The following GSTM5 variants were observed in gnomAD, a reference collection of about 807,000 sequenced individuals.
The protein encoded by GSTM5 is GST class-mu 5.
GSTM5 carries 24 observed loss-of-function variants against 29.0 expected under a neutral mutation model. The observed-to-expected ratio is 0.83, with a 90% confidence interval of 0.60 to 1.16. The LOEUF (loss-of-function observed/expected upper bound fraction) is 1.16. Among genes scored for constraint, GSTM5 ranks in the 50% most tolerant of loss-of-function variants. GSTM5 has a pLI of 0.00. For missense variants in GSTM5, 290 were observed against 263.0 expected (o/e 1.10, Z -0.71); for synonymous variants, 91 against 93.6 (o/e 0.97, Z 0.16).
intron 2 of GSTM5, 152 bp from the exon 3 acceptor site, chr1:109,712,967 A>G: frequency 3.0e-6 from 3 of 1,002,048 alleles, no homozygotes; most frequent in Non-Finnish European, 4.6e-6. Flanking sequence ...CCTCAGTGGG[A>G]TTCTTTCTCC....
intron 7 of GSTM5, 80 bp downstream of exon 7, chr1:109,715,320 A>G: frequency 1.2e-6 from 2 of 1,613,772 alleles, no homozygotes; most frequent in Non-Finnish European, 1.7e-6. Context: ...TCCTGGAGCT[A>G]CACAAAGAAT....
Position 109,715,166 on chromosome 1 carries a change from G to A in GSTM5, c.493G>A (p.Asp165Asn), listed in dbSNP as rs1236953356. ...GGATTTCCTTGCCTATGATGTCCTT[G>A]ACATGAAGCGTATATTTGAGCCCAA... ...FVDFLAYDVL[D>N]MKRIFEPKCL... The change falls in exon 7 of 8, where the codon GAC (aspartate) becomes AAC (asparagine). Residue 165 changes from aspartate to asparagine, a missense_variant. By Grantham distance (23) the Asp-to-Asn change is conservative. Coordinates refer to ENST00000256593, the MANE Select transcript of GSTM5 (RefSeq NM_000851.4). 6.2e-7 allele frequency: 1 copy of A among 1,614,078 alleles called. No homozygotes were observed. The highest frequency in any genetic ancestry group is 1.3e-5 in the African/African-American group (1 of 74,914).
At chr1:109,714,877 A>G (rs1167970018) in intron 5 of GSTM5, 70 bp from the exon 6 acceptor site, 1 of 1,489,094 alleles carries the variant, frequency 6.7e-7, no homozygotes, top group African/African-American at 1.4e-5. Flanking sequence ...GGCCATCTAC[A>G]GCCCTGGGGA....
Position 109,715,215 on chromosome 1 carries a change from T to C in GSTM5, c.542T>C (p.Leu181Ser), listed in dbSNP as rs780729534. Reference protein sequence around the residue: ...EPKCLDAFLNLKDFISRFEGL... With the variant: ...EPKCLDAFLNSKDFISRFEGL... ...AAGTGCTTGGACGCCTTCCTAAACTTGAAGGACTTCATCTCCCGCTTTGAG... is the reference window on the plus strand; with the variant it reads ...AAGTGCTTGGACGCCTTCCTAAACTCGAAGGACTTCATCTCCCGCTTTGAG... Residue 181 changes from leucine (L) to serine (S), a missense_variant, in exon 7 of 8, where the codon TTG becomes TCG. Transcript: ENST00000256593. 29 of 1,614,114 alleles carry C rather than the reference T, an allele frequency of 1.8e-5. No individual in the cohort carries two copies. The highest frequency in any genetic ancestry group is 2.1e-5 in the Non-Finnish European group (25 of 1,180,052).
At chr1:109,714,772 CAG>C (rs1648684512) in intron 5 of GSTM5, 173 bp from the exon 6 acceptor site, 1 of 659,706 alleles carries the variant, frequency 1.5e-6, no homozygotes, top group Admixed American at 2.6e-5. Flanking sequence ...GGCACCCAGT[CAG>C]AGTCTAATAA....
chr1:109,712,546 G>A (rs1333502958), intron 1 of GSTM5, 72 bp from the exon 2 acceptor site: 7 of 1,551,498 alleles, frequency 4.5e-6, no homozygotes, highest in Non-Finnish European at 6.2e-6. Flanking sequence ...CTAGGGGCTG[G>A]CCTGGTGCAG....
intron 7 of GSTM5, 79 bp downstream of exon 7, chr1:109,715,319 T>G: frequency 6.2e-7 from 1 of 1,613,810 alleles, no homozygotes; most frequent in Non-Finnish European, 8.5e-7. Flanking sequence ...GTCCTGGAGC[T>G]ACACAAAGAA....
Position 109,713,491 on chromosome 1 carries a change from A to C in GSTM5, c.185A>C (p.Tyr62Ser). The stretch of plus-strand genomic sequence containing the variant: ...GGTTTCCCATCTATCCAGCTGCCCT[A>C]CTTGATTGATGGGGCTCACAAGATC... ...KLGLDFPNLP[Y>S]LIDGAHKITQ... The change falls in exon 4 of 8, where the codon TAC (tyrosine) becomes TCC (serine). Residue 62 changes from tyrosine to serine, a missense_variant. Transcript: ENST00000256593. The C allele has an allele frequency of 6.2e-7, 1 of 1,614,164 alleles. No homozygotes were observed. The highest frequency in any genetic ancestry group is 8.5e-7 in the Non-Finnish European group (1 of 1,180,028).
At chr1:109,715,869 T>G in intron 7 of GSTM5, 1 of 534,958 alleles carries the variant, frequency 1.9e-6, no homozygotes, top group Non-Finnish European at 3.4e-6. Flanking sequence ...AAGTGCTCTG[T>G]GCTGGGGCAC....
chr1:109,711,761 T>A (rs1319655730), upstream of GSTM5, among the ~76,000 whole-genome samples: 4 of 151,448 alleles, frequency 2.6e-5, no homozygotes, highest in South Asian at 2.1e-4. Context: ...GACTAAGCCC[T>A]CGGAGTAGCT....
chr1:109,717,127 GT>G, intron 7 of GSTM5: 1 of 338,040 alleles, frequency 3.0e-6, no homozygotes, highest in Non-Finnish European at 5.4e-6. Flanking sequence ...TTCGTAAATG[GT>G]AGCTGTTATT....
intron 1 of GSTM5, 73 bp from the exon 2 acceptor site, chr1:109,712,545 G>C (rs12736389): frequency 0.2 from 302,077 of 1,545,304 alleles, 35,813 homozygotes; most frequent in African/African-American, 0.55. Flanking sequence ...ACTAGGGGCT[G>C]GCCTGGTGCA....
chr1:109,714,752 G>C (rs1464273504), intron 5 of GSTM5, 195 bp from the exon 6 acceptor site: 1 of 629,768 alleles, frequency 1.6e-6, no homozygotes, highest in Non-Finnish European at 2.9e-6. Flanking sequence ...GATCACTTCA[G>C]ATAGGGTCTG....
intron 7 of GSTM5, 34 bp downstream of exon 7, chr1:109,715,274 C>T (rs1244931278): frequency 1.7e-5 from 27 of 1,614,196 alleles, no homozygotes; most frequent in East Asian, 2.2e-5. Context: ...CTTTGATGCC[C>T]CTTGTTCCTT....
chr1:109,713,856 GC>G, intron 5 of GSTM5, 95 bp downstream of exon 5: 1 of 773,282 alleles, frequency 1.3e-6, no homozygotes, highest in Non-Finnish European at 2.2e-6. Flanking sequence ...GCAGACTCCG[GC>G]CAGCTGACTG....
chr1:109,712,595 G>A (rs781591595), intron 1 of GSTM5, 23 bp from the exon 2 acceptor site: 7 of 1,613,412 alleles, frequency 4.3e-6, no homozygotes, highest in South Asian at 1.1e-5. Context: ...TCTCTGACCC[G>A]AGCCGCGGGC....
Position 109,713,773 on chromosome 1 carries a change from A to G in GSTM5, c.360+12A>G, listed in dbSNP as rs1405976404. ...ATGACCCAGATTTTGTGAGTCCCACACCCCACTCCCAGTCACCCATTTCCC... is the reference window on the plus strand; with the variant it reads ...ATGACCCAGATTTTGTGAGTCCCACGCCCCACTCCCAGTCACCCATTTCCC... On this transcript the variant is annotated intron_variant, in intron 5 of 7. Coordinates refer to ENST00000256593, the MANE Select transcript of GSTM5 (RefSeq NM_000851.4). The G allele has an allele frequency of 1.2e-6, 2 of 1,605,408 alleles. No individual in the cohort carries two copies. The highest frequency in any genetic ancestry group is 1.3e-5 in the African/African-American group (1 of 74,616).
intron 1 of GSTM5, 117 bp from the exon 2 acceptor site, chr1:109,712,495 TGGGGGC>T: frequency 3.3e-6 from 2 of 607,228 alleles, no homozygotes; most frequent in Non-Finnish European, 5.3e-6. Flanking sequence ...TGTTTGGGGG[TGGGGGC>T]GGGTAGAGGA....
At position 109,713,558 on chromosome 1, in the gene GSTM5, C is replaced by G. The variant is rs781701486; in HGVS notation, c.252C>G (p.His84Gln). Residue 84 changes from histidine to glutamine, a missense_variant, in exon 4 of 8, where the codon CAC becomes CAG. Physicochemically the swap from His to Gln is conservative, Grantham distance 24. Coordinates refer to ENST00000256593, the MANE Select transcript of GSTM5 (RefSeq NM_000851.4). ...NAILRYIARKHNLCGETEEEK... is the reference protein window; with the variant it reads ...NAILRYIARKQNLCGETEEEK... ...TCCTGCGCTACATTGCCCGCAAGCA[C>G]AACCTGTGTGAGTGTGGGTGGCTGC... 1 of 1,614,118 alleles carries G rather than the reference C, an allele frequency of 6.2e-7. No individual in the cohort carries two copies. The highest frequency in any genetic ancestry group is 1.7e-5 in the Admixed American group (1 of 60,012).
Sources: gnomAD v4.1 joint callset for allele counts (sites outside exome capture counted in the v4.1 genomes callset) on GRCh38, gnomAD v4.1.1 for gene constraint, MANE v1.5 for transcripts, NCBI Gene and HGNC (gene_info 2026-07-23, HGNC 2026-07-21) for gene names.